The following IQSEC1 variants were observed in gnomAD, a reference collection of about 807,000 sequenced individuals.
The protein encoded by IQSEC1 is IQ motif and Sec7 domain ArfGEF 1, also known as IQ motif and SEC7 domain-containing protein 1.
In IQSEC1, 31 loss-of-function variants were observed where a neutral mutation model predicts 91.0. The observed-to-expected ratio is 0.34, with a 90% CI of 0.26 to 0.46. The LOEUF (loss-of-function observed/expected upper bound fraction) is 0.46, where lower values mean the gene tolerates loss of function less well. Among genes scored for constraint, IQSEC1 ranks in the 20% least tolerant of loss-of-function variants. IQSEC1 has a pLI of 1.00. For missense variants in IQSEC1, 1,388 were observed against 1,575.6 expected, an observed-to-expected ratio of 0.88 and a Z score of 2.02; for synonymous variants, 699 against 662.6, an observed-to-expected ratio of 1.05 and a Z score of -0.84.
At chr3:13,172,283 C>A (rs919996831) in intron 1 of IQSEC1, among the ~76,000 whole-genome samples, 2 of 152,078 alleles carry the variant, frequency 1.3e-5, no homozygotes, top group African/African-American at 2.4e-5. Flanking sequence ...GGAACCATGG[C>A]CAGGGGTGTG....
At chr3:12,960,733 T>A (rs1234021336) in intron 1 of IQSEC1, 1 of 152,250 alleles carries the variant, frequency 6.6e-6, no homozygotes, top group Non-Finnish European at 1.5e-5. Context: ...AATGCCAGTA[T>A]CATCATTTTC....
At chr3:13,019,323 C>T (rs13324670) in intron 1 of IQSEC1, among the ~76,000 whole-genome samples, 11,213 of 152,284 alleles carry the variant, frequency 0.074, 506 homozygotes, top group Middle Eastern at 0.15. Flanking sequence ...GGCTGGCAGG[C>T]GCACAGCTGC....
Position 13,141,601 on chromosome 3 carries a change from T to G in IQSEC1, c.302+22503A>C, listed in dbSNP as rs554084085. Among the ~76,000 whole-genome samples the G allele has an allele frequency of 6.6e-4, 100 of 152,236 alleles. 1 individual carries two copies. Among genetic ancestry groups the G allele is most frequent in the African/African-American group, 2.4e-3 (99 of 41,522 alleles). ...ATGACTGGCAGGTGACCAGGGGAAT[T>G]CATTCATGTCCCCAAATGCTCAAGT... On this transcript the variant is annotated intron_variant, in intron 2 of 15. Transcript: ENST00000648114.
At chr3:12,989,803 C>G (rs924486794) in intron 1 of IQSEC1, among the ~76,000 whole-genome samples, 4 of 152,130 alleles carry the variant, frequency 2.6e-5, no homozygotes, top group African/African-American at 7.2e-5. Flanking sequence ...AGTAAGGAAG[C>G]CTGGGTAGGG....
At chr3:13,115,109 C>A (rs1427747005) in intron 2 of IQSEC1, among the ~76,000 whole-genome samples, 1 of 152,190 alleles carries the variant, frequency 6.6e-6, no homozygotes, top group East Asian at 1.9e-4. Flanking sequence ...TTCCTTCTAG[C>A]GGCCACAGGG....
intron 1 of IQSEC1, among the ~76,000 whole-genome samples, chr3:13,248,126 C>T (rs1229475529): frequency 6.6e-6 from 1 of 152,202 alleles, no homozygotes; most frequent in Non-Finnish European, 1.5e-5. Flanking sequence ...GGTTCTGAGA[C>T]CTCCCAGACT....
intron 12 of IQSEC1, among the ~76,000 whole-genome samples, chr3:12,907,030 A>G (rs901690383): frequency 6.6e-6 from 1 of 152,148 alleles, no homozygotes; most frequent in Non-Finnish European, 1.5e-5. Context: ...ATGACAGGGA[A>G]GATATTACTG....
chr3:13,200,294 T>C (rs1178179392), intron 1 of IQSEC1, among the ~76,000 whole-genome samples: 1 of 151,062 alleles, frequency 6.6e-6, no homozygotes, highest in Non-Finnish European at 1.5e-5. Flanking sequence ...CTCCCCCCCC[T>C]TATCATTTAT....
chr3:12,992,234 C>T lies in IQSEC1; in HGVS notation c.24-50369G>A, dbSNP rs953201080. Among the ~76,000 whole-genome samples the T allele has an allele frequency of 2.6e-5, 4 of 151,878 alleles. No individual in the cohort carries two copies. Among genetic ancestry groups the T allele is most frequent in the Non-Finnish European group, 5.9e-5 (4 of 68,004 alleles). ...TCTGGCCTCAGTTCTCCATCTCTAACACAGTAGGGTGGCTCCGGGATGCTC... is the reference window on the plus strand; with the variant it reads ...TCTGGCCTCAGTTCTCCATCTCTAATACAGTAGGGTGGCTCCGGGATGCTC... On this transcript the variant is annotated intron_variant, in intron 1 of 13. Transcript: ENST00000613206. The surrounding 1 kb of genome is among the most constrained non-coding windows in gnomAD (Gnocchi z 4.1).
intron 2 of IQSEC1, among the ~76,000 whole-genome samples, chr3:13,133,554 C>T (rs746493523): frequency 5.9e-5 from 9 of 152,356 alleles, no homozygotes; most frequent in Non-Finnish European, 1.2e-4. Flanking sequence ...CCTTGCCAGG[C>T]CCGGCTCTGC....
At chr3:13,198,179 T>C (rs1254180387) in intron 1 of IQSEC1, among the ~76,000 whole-genome samples, 1 of 152,172 alleles carries the variant, frequency 6.6e-6, no homozygotes, top group Non-Finnish European at 1.5e-5. Context: ...AGAGGACCCC[T>C]ATAATTTAGT....
intron 1 of IQSEC1, among the ~76,000 whole-genome samples, chr3:13,030,330 T>G (rs1257271029): frequency 6.6e-6 from 1 of 152,170 alleles, no homozygotes; most frequent in Non-Finnish European, 1.5e-5. Flanking sequence ...CTCCTCCTGG[T>G]CTCAAGTGAT....
chr3:13,090,963 C>T (rs1705849967), intron 2 of IQSEC1, among the ~76,000 whole-genome samples: 1 of 152,218 alleles, frequency 6.6e-6, no homozygotes, highest in Non-Finnish European at 1.5e-5. Context: ...TGGAAGACTG[C>T]ACGGAGCTGC....
chr3:12,901,261 C>G lies in IQSEC1; in HGVS notation c.3067G>C (p.Ala1023Pro), dbSNP rs185165059. The change falls in exon 14 of 14, where the codon GCC becomes CCC. Residue 1023 changes from alanine to proline, a missense_variant. This residue lies in a region of IQSEC1 where 329 missense variants were observed against 257.8 expected (regional missense o/e 1.28). Transcript: ENST00000613206. ...TACTGGGTGTGATGCCCGTGCATGG[C>G]GGCCTGCGGCAGCCCCTCTGGGGGC... ...LGPPEGLPQA[A>P]MHGHHTQYCH... 9,757 of 1,530,954 alleles carry G rather than the reference C, an allele frequency of 6.4e-3. 63 individuals carry two copies. Among genetic ancestry groups the G allele is most frequent in the African/African-American group, 0.042 (2,488 of 59,848 alleles). The allele number at this position is 1,530,954 out of a possible 1,614,324, so 94.8% of individuals were successfully genotyped here. A position where few individuals can be genotyped will look rare whatever the true frequency, so the allele number is the denominator to read the frequency against.
Position 12,970,270 on chromosome 3 carries a change from G to A in IQSEC1, c.24-28405C>T, listed in dbSNP as rs1490048580. Among the ~76,000 whole-genome samples the A allele has an allele frequency of 6.6e-6, 1 of 152,202 alleles. No homozygotes were observed. The highest frequency in any genetic ancestry group is 1.5e-5 in the Non-Finnish European group (1 of 68,038). Reference sequence around the variant, plus strand: ...GAGCTTGTAATTCTGCCCCAGGAGAGGCTCTAATGGGGGGACATTTTGGGT... The same window carrying A: ...GAGCTTGTAATTCTGCCCCAGGAGAAGCTCTAATGGGGGGACATTTTGGGT... On this transcript the variant is annotated intron_variant, in intron 1 of 13. Transcript: ENST00000613206. The surrounding 1 kb of genome is among the most constrained non-coding windows in gnomAD (Gnocchi z 4.4).
chr3:12,900,884 C>CAGAAGTGCCCCGGGTT lies in IQSEC1; in HGVS notation c.*83_*98dup, dbSNP rs1486675920. 6.5e-7 allele frequency: 1 copy of CAGAAGTGCCCCGGGTT among 1,534,648 alleles called. No individual in the cohort carries two copies. The highest frequency in any genetic ancestry group is 8.7e-7 in the Non-Finnish European group (1 of 1,146,108). On this transcript the variant is annotated 3_prime_UTR_variant, in exon 14 of 14. Coordinates refer to ENST00000613206, the MANE Select transcript of IQSEC1 (RefSeq NM_001134382.3). ...GAGGGGCAGAGGGGAGAGATGGCAA[C>CAGAAGTGCCCCGGGTT]AGAAGTGCCCCGGGTTTGGTGTGCG...
chr3:13,119,360 C>T (rs1485055701), intron 2 of IQSEC1, among the ~76,000 whole-genome samples: 2 of 152,156 alleles, frequency 1.3e-5, no homozygotes, highest in Admixed American at 6.5e-5. Context: ...CTGCCAACAA[C>T]AATTTAAAAA....
chr3:13,268,510 C>G (rs569461539), intron 1 of IQSEC1, among the ~76,000 whole-genome samples: 1 of 152,266 alleles, frequency 6.6e-6, no homozygotes, highest in African/African-American at 2.4e-5. Context: ...TGATGAGGCT[C>G]CCCTATCAGA....
intron 1 of IQSEC1, among the ~76,000 whole-genome samples, chr3:13,244,393 C>G (rs1384031798): frequency 6.6e-6 from 1 of 152,162 alleles, no homozygotes; most frequent in Admixed American, 6.5e-5. Flanking sequence ...AGTGCAGAAA[C>G]AGCTGAAATT....
Sources: gnomAD v4.1 joint callset for allele counts (sites outside exome capture counted in the v4.1 genomes callset) on GRCh38, gnomAD v4.1.1 for gene constraint, gnomAD v4.1.1 regional missense constraint, Gnocchi (gnomAD v3.1) non-coding constraint, MANE v1.5 for transcripts, NCBI Gene and HGNC (gene_info 2026-07-23, HGNC 2026-07-21) for gene names.